The following DRC9 variants were observed in gnomAD, a reference collection of about 807,000 sequenced individuals.
DRC9 encodes dynein regulatory complex subunit 9.
the DRC9 span, chr3:197,955,677 C>T: frequency 3.9e-5 from 50 of 1,269,862 alleles, no homozygotes; most frequent in Admixed American, 1.8e-4. Flanking sequence ...GAGATTTATC[C>T]GTATTACGGT....
chr3:197,926,822 G>A, the DRC9 span, among the ~76,000 whole-genome samples: 1 of 152,110 alleles, frequency 6.6e-6, no homozygotes, highest in Non-Finnish European at 1.5e-5. Context: ...CCTTCACTGG[G>A]GGTCAGCCTT....
chr3:197,919,946 A>T, the DRC9 span, among the ~76,000 whole-genome samples: 37,622 of 151,904 alleles, frequency 0.25, 5,849 homozygotes, highest in African/African-American at 0.45. Flanking sequence ...ACGCCTGTAA[A>T]CCCAGCACTT....
the DRC9 span, among the ~76,000 whole-genome samples, chr3:197,900,446 G>C: frequency 6.6e-6 from 1 of 151,956 alleles, no homozygotes; most frequent in African/African-American, 2.4e-5. This position sits in a 1 kb window ranked among gnomAD's most constrained non-coding sequence, Gnocchi z 4.7. Flanking sequence ...TAGAGCACTG[G>C]GCAGAGGACA....
At chr3:197,955,996 T>A in the DRC9 span, 1 of 537,950 alleles carries the variant, frequency 1.9e-6, no homozygotes, top group East Asian at 3.3e-5. Context: ...TTTGACAGAG[T>A]CTTGCTCTGT....
At chr3:197,923,015 C>A in the DRC9 span, among the ~76,000 whole-genome samples, 1 of 152,134 alleles carries the variant, frequency 6.6e-6, no homozygotes, top group Non-Finnish European at 1.5e-5. Flanking sequence ...ATAATGACAT[C>A]AAGACCTAGA....
chr3:197,921,783 T>C, the DRC9 span, among the ~76,000 whole-genome samples: 8 of 147,916 alleles, frequency 5.4e-5, no homozygotes, highest in African/African-American at 2.1e-4. Context: ...CCTGGTTTCA[T>C]CTTGGTCGAC....
At chr3:197,935,934 A>C in the DRC9 span, among the ~76,000 whole-genome samples, 2 of 152,152 alleles carry the variant, frequency 1.3e-5, no homozygotes, top group African/African-American at 4.8e-5. Flanking sequence ...TTAGAATTGC[A>C]AATAAAAGCC....
the DRC9 span, chr3:197,913,767 G>T: frequency 1.8e-6 from 2 of 1,103,540 alleles, no homozygotes; most frequent in Non-Finnish European, 2.8e-6. Context: ...AGGGGCTGTT[G>T]CCGATAGAGA....
At chr3:197,959,050 CAT>C in the DRC9 span, 1 of 152,210 alleles carries the variant, frequency 6.6e-6, no homozygotes, top group Admixed American at 6.5e-5. Flanking sequence ...CTACTAAAAA[CAT>C]AAAAATTGGC....
the DRC9 span, among the ~76,000 whole-genome samples, chr3:197,893,131 GC>G: frequency 6.6e-6 from 1 of 152,048 alleles, no homozygotes; most frequent in East Asian, 1.9e-4. Context: ...GCTGAAGTGG[GC>G]GGATCACCTG....
chr3:197,913,357 C>CGTGCGTGT, the DRC9 span: 31,552 of 223,864 alleles, frequency 0.14, 2,534 homozygotes, highest in African/African-American at 0.19. Context: ...TGTGTGCGTG[C>CGTGCGTGT]GTGCGTGTGT....
At chr3:197,953,307 T>A in the DRC9 span, among the ~76,000 whole-genome samples, 1 of 152,154 alleles carries the variant, frequency 6.6e-6, no homozygotes, top group African/African-American at 2.4e-5. Context: ...TGCCAGGAGA[T>A]AGAGGCTGCA....
At chr3:197,915,257 A>G in the DRC9 span, among the ~76,000 whole-genome samples, 2 of 146,018 alleles carry the variant, frequency 1.4e-5, no homozygotes, top group East Asian at 3.9e-4. Flanking sequence ...AAAAAAAAGA[A>G]TAAGTATATG....
the DRC9 span, chr3:197,958,802 T>C: frequency 6.6e-6 from 1 of 152,262 alleles, no homozygotes; most frequent in African/African-American, 2.4e-5. Context: ...TCTCCTCCCA[T>C]ATGGAAATTA....
the DRC9 span, chr3:197,912,911 C>T: frequency 1.6e-6 from 1 of 644,916 alleles, no homozygotes; most frequent in African/African-American, 2.0e-5. Context: ...CACTGCAGAG[C>T]CACGTGGCGC....
chr3:197,952,121 A>G, the DRC9 span, among the ~76,000 whole-genome samples: 1 of 146,676 alleles, frequency 6.8e-6, no homozygotes, highest in African/African-American at 2.5e-5. Context: ...TTTTTAGAAC[A>G]CTTGTGCTTA....
the DRC9 span, chr3:197,939,079 T>C: frequency 6.6e-6 from 2 of 302,692 alleles, no homozygotes; most frequent in Non-Finnish European, 1.2e-5. Flanking sequence ...TTATAAAGTA[T>C]CTCCATCAGG....
the DRC9 span, among the ~76,000 whole-genome samples, chr3:197,900,211 C>T: frequency 6.6e-6 from 1 of 152,320 alleles, no homozygotes; most frequent in African/African-American, 2.4e-5. This position sits in a 1 kb window ranked among gnomAD's most constrained non-coding sequence, Gnocchi z 4.7. Context: ...GACTACGACC[C>T]TCTACAACCC....
the DRC9 span, among the ~76,000 whole-genome samples, chr3:197,953,000 C>T: frequency 1.4e-3 from 218 of 152,008 alleles, no homozygotes; most frequent in Non-Finnish European, 2.3e-3. Flanking sequence ...AGGGTTTCAC[C>T]ATGTTGGCCA....
Sources: allele counts gnomAD v4.1 joint callset (sites outside exome capture counted in the v4.1 genomes callset), GRCh38; gene constraint gnomAD v4.1.1; non-coding constraint Gnocchi (gnomAD v3.1); transcripts MANE v1.5; gene names NCBI Gene and HGNC (gene_info 2026-07-23, HGNC 2026-07-21).